CFAP251: variants seen among roughly 807,000 people sequenced by gnomAD.
CFAP251 encodes cilia and flagella associated protein 251.
A neutral mutation model predicts 126.7 loss-of-function variants in CFAP251; 93 were observed. That is an observed-to-expected ratio of 0.73 (90% CI 0.62 to 0.87). CFAP251 has a LOEUF of 0.87. Ranked by LOEUF, CFAP251 falls within the 40% of genes least tolerant of loss-of-function variation. The pLI, the probability that CFAP251 is intolerant of heterozygous loss-of-function variation, is 0.00. For synonymous variants in CFAP251, 503 were observed against 506.9 expected (o/e 0.99, Z 0.10); for missense variants, 1,287 against 1,389.2 (o/e 0.93, Z 1.17).
intron 5 of CFAP251, among the ~76,000 whole-genome samples, chr12:121,935,321 A>G (rs896251758): frequency 9.9e-5 from 15 of 152,218 alleles, no homozygotes; most frequent in Admixed American, 9.8e-4. Context: ...TTTACAGAAG[A>G]ATTGGGAAGA....
intron 8 of CFAP251, 35 bp downstream of exon 8, chr12:121,949,096 G>A (rs1198590554): frequency 7.1e-7 from 1 of 1,399,102 alleles, no homozygotes; most frequent in South Asian, 1.3e-5. Flanking sequence ...TTTAAATGTG[G>A]GTAGAAGTAT....
At chr12:121,981,661 T>C (rs138137370) in intron 19 of CFAP251, among the ~76,000 whole-genome samples, 10 of 152,278 alleles carry the variant, frequency 6.6e-5, no homozygotes, top group African/African-American at 2.4e-4. Context: ...AGGTTCACAC[T>C]TCTATGAAAG....
chr12:121,944,822 G>A (rs1881255266), intron 7 of CFAP251, among the ~76,000 whole-genome samples: 1 of 152,110 alleles, frequency 6.6e-6, no homozygotes, highest in African/African-American at 2.4e-5. Context: ...TCTCACTGCT[G>A]TCCAGTCTGG....
intron 20 of CFAP251, among the ~76,000 whole-genome samples, chr12:122,000,526 T>C (rs1883123490): frequency 7.1e-6 from 1 of 140,178 alleles, no homozygotes; most frequent in South Asian, 2.2e-4. Flanking sequence ...CAGTTCAGGC[T>C]GGGTGACAGA....
intron 2 of CFAP251, 88 bp from the exon 3 acceptor site, chr12:121,923,534 C>G (rs776945697): frequency 1.3e-6 from 2 of 1,490,714 alleles, no homozygotes; most frequent in Non-Finnish European, 1.8e-6. Context: ...GAGGCTAACA[C>G]TAAGACTGGC....
At chr12:121,927,773 C>A (rs1355138481) in intron 3 of CFAP251, among the ~76,000 whole-genome samples, 1 of 152,144 alleles carries the variant, frequency 6.6e-6, no homozygotes, top group Non-Finnish European at 1.5e-5. Flanking sequence ...TACTAGCTCC[C>A]ATTGTTCACG....
At chr12:121,992,593 A>G (rs143600667) in intron 19 of CFAP251, 1 of 774,774 alleles carries the variant, frequency 1.3e-6, no homozygotes, top group East Asian at 1.3e-4. Flanking sequence ...TTTTTCAGAC[A>G]GGGTCTTACT....
chr12:121,924,856 T>G (rs998917679), intron 3 of CFAP251, among the ~76,000 whole-genome samples: 1 of 152,174 alleles, frequency 6.6e-6, no homozygotes, highest in African/African-American at 2.4e-5. Context: ...AGACATAGTT[T>G]GTCTGTTGCA....
intron 7 of CFAP251, among the ~76,000 whole-genome samples, chr12:121,946,394 G>A (rs187094828): frequency 9.2e-4 from 140 of 152,334 alleles, no homozygotes; most frequent in African/African-American, 3.2e-3. Context: ...AGATTTTCCT[G>A]TGGTATAGAA....
intron 19 of CFAP251, among the ~76,000 whole-genome samples, chr12:121,991,390 T>A (rs1370316570): frequency 6.6e-6 from 1 of 152,232 alleles, no homozygotes; most frequent in Non-Finnish European, 1.5e-5. Context: ...CTGATTCATT[T>A]TGGCACCAGT....
intron 19 of CFAP251, 117 bp from the exon 20 acceptor site, chr12:121,999,599 G>A: frequency 1.3e-6 from 1 of 752,016 alleles, no homozygotes; most frequent in South Asian, 1.9e-5. Context: ...GCCTCCCAAA[G>A]TGCTAGGATT....
In CFAP251 at chr12:122,003,799, G is replaced by GGGTGTGT. The variant is rs538089066; in HGVS notation, c.*37_*43dup. On this transcript the variant is annotated 3_prime_UTR_variant, in exon 22 of 22. Transcript: ENST00000288912. ...GAATGTTTAAAGCACAAAGGACTTTGGGTGTGTGTGCATGCACATGTGTGT... is the reference window on the plus strand; with the variant it reads ...GAATGTTTAAAGCACAAAGGACTTTGGGTGTGTGGTGTGTGTGCATGCACATGTGTGT... 116 of 1,536,096 alleles carry GGGTGTGT rather than the reference G, an allele frequency of 7.6e-5. No individual in the cohort carries two copies. Among genetic ancestry groups the GGGTGTGT allele is most frequent in the Non-Finnish European group, 9.8e-5 (111 of 1,130,918 alleles).
At chr12:121,979,688 C>T (rs1159681336) in intron 19 of CFAP251, among the ~76,000 whole-genome samples, 1 of 150,930 alleles carries the variant, frequency 6.6e-6, no homozygotes, top group Non-Finnish European at 1.5e-5. Context: ...CCTCAGCCTC[C>T]CGAGTAACTG....
At chr12:121,922,200 T>C (rs7303779) in intron 2 of CFAP251, among the ~76,000 whole-genome samples, 7,908 of 150,902 alleles carry the variant, frequency 0.052, 238 homozygotes, top group East Asian at 0.072. Flanking sequence ...CTCTGCCTCC[T>C]GGGTTCAAGT....
Position 121,966,322 on chromosome 12 carries a change from G to A in CFAP251, c.2493-633G>A, listed in dbSNP as rs558899188. Among the ~76,000 whole-genome samples the A allele has an allele frequency of 2.1e-4, 28 of 134,250 alleles. 1 individual carries two copies. The highest frequency in any genetic ancestry group is 1.9e-3 in the Admixed American group (24 of 12,788). 88.1% of individuals were successfully genotyped at this position (134,250 alleles called of 152,430 possible). A position where few individuals can be genotyped will look rare whatever the true frequency, so the allele number is the denominator to read the frequency against. Reference sequence around the variant, plus strand: ...GTCACCCAGGATGGAGTGCAGTAGCGTGATTTCACCTCATTACAACCTCCA... The same window carrying A: ...GTCACCCAGGATGGAGTGCAGTAGCATGATTTCACCTCATTACAACCTCCA... On this transcript the variant is annotated intron_variant, in intron 15 of 21. Coordinates refer to ENST00000288912, the MANE Select transcript of CFAP251 (RefSeq NM_144668.6).
chr12:121,954,009 CT>C, intron 9 of CFAP251, 110 bp from the exon 10 acceptor site: 2 of 1,034,104 alleles, frequency 1.9e-6, no homozygotes, highest in Non-Finnish European at 2.8e-6. Flanking sequence ...TTTTCTTTTT[CT>C]TTCTCTTTTT....
At chr12:121,959,615 C>A (rs1252812276) in intron 13 of CFAP251, 1 of 152,566 alleles carries the variant, frequency 6.6e-6, no homozygotes, top group South Asian at 2.1e-4. Context: ...ACTGGGTTCA[C>A]TTGCAGCCTT....
intron 1 of CFAP251, among the ~76,000 whole-genome samples, chr12:121,919,143 A>ATTATTT (rs1555215102): frequency 6.8e-6 from 1 of 146,558 alleles, no homozygotes; most frequent in African/African-American, 2.5e-5. Flanking sequence ...TATTATTATT[A>ATTATTT]TTTTTTTTTT....
chr12:121,966,905 T>G, intron 15 of CFAP251, 50 bp from the exon 16 acceptor site: 2 of 1,563,500 alleles, frequency 1.3e-6, no homozygotes, highest in South Asian at 2.2e-5. Context: ...TCTTAAAACC[T>G]ATGTTGAGAT....
Sources: allele counts gnomAD v4.1 joint callset (sites outside exome capture counted in the v4.1 genomes callset), GRCh38; gene constraint gnomAD v4.1.1; transcripts MANE v1.5; gene names NCBI Gene and HGNC (gene_info 2026-07-23, HGNC 2026-07-21).